The following MPP7 variants were observed in gnomAD, a reference collection of about 807,000 sequenced individuals.
MPP7 encodes MAGUK p55 scaffold protein 7.
Under a neutral mutation model 76.5 loss-of-function variants are expected in MPP7, and 60 were observed. The observed-to-expected ratio is 0.78, with a 90% CI of 0.64 to 0.97. The LOEUF is 0.97. MPP7 is among the 50% of genes least tolerant of loss of function. MPP7 has a pLI of 0.00. For synonymous variants in MPP7, 237 were observed against 244.5 expected (o/e 0.97, Z 0.29); for missense variants, 641 against 694.0 (o/e 0.92, Z 0.86).
At chr10:28,321,766 A>T (rs1437586325) in intron 2 of MPP7, among the ~76,000 whole-genome samples, 1 of 151,922 alleles carries the variant, frequency 6.6e-6, no homozygotes, top group Non-Finnish European at 1.5e-5. Flanking sequence ...TATATTTTTT[A>T]GTAGAGACAG....
intron 1 of MPP7, among the ~76,000 whole-genome samples, chr10:28,292,686 T>C (rs775970044): frequency 1.1e-4 from 17 of 152,334 alleles, no homozygotes; most frequent in Middle Eastern, 3.4e-3. Context: ...AGTTTAAATA[T>C]GTTTTTAAAA....
intron 2 of MPP7, among the ~76,000 whole-genome samples, chr10:28,209,794 G>A (rs529110875): frequency 6.6e-6 from 1 of 152,290 alleles, no homozygotes; most frequent in Non-Finnish European, 1.5e-5. Flanking sequence ...GTGTTAATTT[G>A]ACTGAGCTAA....
intron 3 of MPP7, among the ~76,000 whole-genome samples, chr10:28,177,213 G>C (rs1014103339): frequency 7.2e-4 from 103 of 142,538 alleles, no homozygotes; most frequent in African/African-American, 2.6e-3. Context: ...TCATGAGTTC[G>C]AGACCAGCCT....
At chr10:28,262,255 A>ATATG (rs1422563999) in intron 1 of MPP7, among the ~76,000 whole-genome samples, 1 of 48,308 alleles carries the variant, frequency 2.1e-5, no homozygotes, top group Non-Finnish European at 3.2e-5. Context: ...ATATATATAT[A>ATATG]TATGTATATA....
intron 11 of MPP7, among the ~76,000 whole-genome samples, chr10:28,098,868 G>A (rs1015813184): frequency 2.0e-5 from 3 of 151,700 alleles, no homozygotes; most frequent in East Asian, 3.9e-4. Context: ...TTAAGAATAA[G>A]GGCAAGGAAG....
chr10:28,171,769 T>C (rs1836689223), intron 3 of MPP7, among the ~76,000 whole-genome samples: 2 of 152,214 alleles, frequency 1.3e-5, no homozygotes, highest in African/African-American at 4.8e-5. Flanking sequence ...ATCAAACGCC[T>C]GCACTTCTCT....
intron 3 of MPP7, among the ~76,000 whole-genome samples, chr10:28,152,277 G>A (rs1271842605): frequency 3.3e-5 from 5 of 152,062 alleles, no homozygotes; most frequent in Admixed American, 1.3e-4. Context: ...TTTTTTAAAT[G>A]TTCTAGAATT....
chr10:28,089,686 G>GT lies in MPP7; in HGVS notation c.1107dup (p.Leu370ThrfsTer14). On this transcript the variant is annotated frameshift_variant, in exon 12 of 17. Transcript: ENST00000683449. LOFTEE classifies it high-confidence loss of function. ...AAGCACTTACCAACCAAGACAACGA[G>GT]TCTGTATTTTTCATTAGTTTGTCGC... 1.2e-6 allele frequency: 2 copies of GT among 1,613,068 alleles called. No individual in the cohort carries two copies. Among genetic ancestry groups the GT allele is most frequent in the Non-Finnish European group, 1.7e-6 (2 of 1,179,556 alleles).
chr10:28,103,677 T>C (rs1301883944), intron 11 of MPP7, among the ~76,000 whole-genome samples: 1 of 152,176 alleles, frequency 6.6e-6, no homozygotes, highest in East Asian at 1.9e-4. Flanking sequence ...AAGGAGGATG[T>C]TTGTTTTGAT....
At chr10:28,293,303 G>A (rs943236134) in intron 1 of MPP7, among the ~76,000 whole-genome samples, 2 of 152,184 alleles carry the variant, frequency 1.3e-5, no homozygotes, top group African/African-American at 4.8e-5. Context: ...TATACGATAG[G>A]ATATTCCACT....
chr10:28,085,375 T>C (rs1378964944), intron 12 of MPP7, among the ~76,000 whole-genome samples: 2 of 152,160 alleles, frequency 1.3e-5, no homozygotes, highest in African/African-American at 4.8e-5. Context: ...ACTGTTATTA[T>C]ATAGCATGGA....
At chr10:28,289,687 A>T (rs956543542) in intron 1 of MPP7, among the ~76,000 whole-genome samples, 4 of 152,200 alleles carry the variant, frequency 2.6e-5, no homozygotes, top group African/African-American at 7.2e-5. Context: ...GATCCACCCG[A>T]ACCCACTCTG....
intron 1 of MPP7, among the ~76,000 whole-genome samples, chr10:28,275,835 A>G (rs1840477969): frequency 6.6e-6 from 1 of 152,002 alleles, no homozygotes; most frequent in Non-Finnish European, 1.5e-5. Context: ...CCATTATGAT[A>G]GGTCTCCAAC....
At chr10:28,161,247 A>G (rs1038605106) in intron 3 of MPP7, among the ~76,000 whole-genome samples, 4 of 152,160 alleles carry the variant, frequency 2.6e-5, no homozygotes, top group African/African-American at 7.2e-5. Flanking sequence ...ATAATAACAT[A>G]AAATGTAATT....
At chr10:28,216,934 T>C (rs147937497) in intron 2 of MPP7, among the ~76,000 whole-genome samples, 1 of 151,746 alleles carries the variant, frequency 6.6e-6, no homozygotes, top group African/African-American at 2.4e-5. Context: ...GCAAAAAGAG[T>C]CAGCAATATA....
intron 2 of MPP7, among the ~76,000 whole-genome samples, chr10:28,321,516 C>T (rs1268817726): frequency 1.3e-5 from 2 of 152,146 alleles, no homozygotes; most frequent in African/African-American, 4.8e-5. Flanking sequence ...ACTGGTCTGC[C>T]TCATGTCAAA....
chr10:28,289,510 G>A (rs750796556), intron 1 of MPP7, among the ~76,000 whole-genome samples: 1 of 152,166 alleles, frequency 6.6e-6, no homozygotes, highest in African/African-American at 2.4e-5. Flanking sequence ...TAAATCTTAA[G>A]AACTGGGGCA....
intron 1 of MPP7, chr10:28,289,212 A>G: frequency 6.6e-6 from 1 of 151,052 alleles, no homozygotes; most frequent in Non-Finnish European, 1.5e-5. Context: ...GAGGCAGGAG[A>G]CTCGCTTGAA....
rs972572810 is a variant in MPP7, at chr10:28,053,174, A to C, written c.*891T>G. On this transcript the variant is annotated 3_prime_UTR_variant, in exon 17 of 17. Transcript: ENST00000683449. ...TAATTGTATCAGTAATATGTAAAAC[A>C]GGTTTTACATGTTTTAGAATAGAAA... 1 of 152,224 alleles carries C rather than the reference A, an allele frequency of 6.6e-6. No individual in the cohort carries two copies. The highest frequency in any genetic ancestry group is 1.5e-5 in the Non-Finnish European group (1 of 68,036). 9.4% of individuals were successfully genotyped at this position (152,224 alleles called of 1,614,324 possible).
Sources: allele counts gnomAD v4.1 joint callset (sites outside exome capture counted in the v4.1 genomes callset), GRCh38; gene constraint gnomAD v4.1.1; transcripts MANE v1.5; gene names NCBI Gene and HGNC (gene_info 2026-07-23, HGNC 2026-07-21).